Variants in SLC35F4 observed in about 807,000 individuals in gnomAD.
SLC35F4 encodes the protein solute carrier family 35 member F4.
A neutral mutation model predicts 44.2 loss-of-function variants in SLC35F4; 24 were observed. The observed-to-expected ratio is 0.54, with a 90% CI of 0.39 to 0.76. SLC35F4 has a LOEUF of 0.76. SLC35F4 is among the 30% of genes least tolerant of loss of function. SLC35F4 has a pLI of 0.00. For synonymous variants in SLC35F4, 238 were observed against 223.6 expected (o/e 1.06, Z -0.57); for missense variants, 562 against 586.1 (o/e 0.96, Z 0.42).
At chr14:57,624,296 A>G (rs1012501422) in intron 1 of SLC35F4, among the ~76,000 whole-genome samples, 5 of 152,216 alleles carry the variant, frequency 3.3e-5, no homozygotes, top group African/African-American at 1.2e-4. Context: ...TCTGAAATTG[A>G]AGCAGTAATT....
At chr14:57,746,654 C>T (rs887534005) in intron 1 of SLC35F4, among the ~76,000 whole-genome samples, 18 of 151,722 alleles carry the variant, frequency 1.2e-4, no homozygotes, top group African/African-American at 4.4e-4. Flanking sequence ...TAAAAAAGTG[C>T]AAAAAAATGA....
chr14:57,586,707 G>A (rs1342691701), intron 3 of SLC35F4, among the ~76,000 whole-genome samples: 1 of 67,662 alleles, frequency 1.5e-5, no homozygotes. Flanking sequence ...GACAGAGCGA[G>A]ACTCTGTCTC....
At chr14:57,844,612 C>T (rs1407922656) in intron 1 of SLC35F4, among the ~76,000 whole-genome samples, 5 of 151,828 alleles carry the variant, frequency 3.3e-5, no homozygotes, top group Non-Finnish European at 7.3e-5. Flanking sequence ...AGACAACTTG[C>T]TCTCTTTCTG....
chr14:57,581,676 G>T (rs75266502), intron 3 of SLC35F4, among the ~76,000 whole-genome samples: 2 of 152,226 alleles, frequency 1.3e-5, no homozygotes, highest in Non-Finnish European at 2.9e-5. Context: ...GTCTCTGGAG[G>T]TTGCCTGAAA....
At chr14:57,754,727 C>T (rs1223143300) in intron 1 of SLC35F4, among the ~76,000 whole-genome samples, 1 of 152,190 alleles carries the variant, frequency 6.6e-6, no homozygotes, top group African/African-American at 2.4e-5. Context: ...GCACAGGCCT[C>T]ACGGCCTCTG....
chr14:57,961,158 A>G (rs1473020989), intron 1 of SLC35F4, among the ~76,000 whole-genome samples: 1 of 152,136 alleles, frequency 6.6e-6, no homozygotes, highest in Non-Finnish European at 1.5e-5. Context: ...GCTGGACCCA[A>G]GGACTCATGG....
chr14:57,939,748 A>G (rs1437047347), intron 1 of SLC35F4, among the ~76,000 whole-genome samples: 1 of 152,234 alleles, frequency 6.6e-6, no homozygotes, highest in Non-Finnish European at 1.5e-5. Flanking sequence ...AGTTGGGTAG[A>G]AGGCCAGAAG....
chr14:57,788,862 CA>C (rs1403833799), intron 1 of SLC35F4, among the ~76,000 whole-genome samples: 3 of 152,140 alleles, frequency 2.0e-5, no homozygotes, highest in African/African-American at 7.2e-5. Flanking sequence ...GAAACTCACT[CA>C]AAACCGCACA....
Position 57,667,672 on chromosome 14 carries a change from G to C in SLC35F4, c.104-73548C>G, listed in dbSNP as rs1192015471. 2.6e-5 allele frequency among the ~76,000 whole-genome samples: 4 copies of C among 151,800 alleles called. No individual in the cohort carries two copies. In the South Asian group the frequency reaches 6.3e-4, roughly 24 times the overall value. On this transcript the variant is annotated intron_variant, in intron 1 of 7. Transcript: ENST00000556826. ...CTACAAAGGACATGAACTCATCCTT[G>C]TTTATGGCTGCAGAGTATTCCATGG...
rs1594861984 is a variant in SLC35F4 at position 57,564,025 on chromosome 14, T to C, written c.*110A>G. 2.5e-6 allele frequency: 3 copies of C among 1,209,368 alleles called. No individual in the cohort carries two copies. Among genetic ancestry groups the C allele is most frequent in the South Asian group, 1.6e-5 (1 of 62,502 alleles). The allele number at this position is 1,209,368 out of a possible 1,614,324, so 74.9% of individuals were successfully genotyped here. A position where few individuals can be genotyped will look rare whatever the true frequency, so the allele number is the denominator to read the frequency against. ...TTTATTGTTGGCATTATTTCACATA[T>C]GATTTATCCAAATTCAGAGTTAATA... On this transcript the variant is annotated 3_prime_UTR_variant, in exon 8 of 8. Coordinates refer to ENST00000556826, the MANE Select transcript of SLC35F4 (RefSeq NM_001306087.2).
chr14:57,901,437 A>G (rs1453532371), intron 1 of SLC35F4, among the ~76,000 whole-genome samples: 1 of 152,128 alleles, frequency 6.6e-6, no homozygotes, highest in South Asian at 2.1e-4. Flanking sequence ...ACCAAACACC[A>G]CATGTTCTCA....
At chr14:57,568,292 C>T (rs748684172) in intron 6 of SLC35F4, among the ~76,000 whole-genome samples, 26 of 152,280 alleles carry the variant, frequency 1.7e-4, no homozygotes, top group Non-Finnish European at 2.5e-4. Flanking sequence ...TGCTTAGGAG[C>T]GCGTATTGGA....
At chr14:57,662,754 G>A (rs534186823) in intron 1 of SLC35F4, among the ~76,000 whole-genome samples, 3 of 152,304 alleles carry the variant, frequency 2.0e-5, no homozygotes, top group African/African-American at 7.2e-5. Flanking sequence ...TTTGCAAGGT[G>A]TGCTGGATAT....
intron 1 of SLC35F4, among the ~76,000 whole-genome samples, chr14:57,755,325 C>G (rs1375217767): frequency 6.6e-6 from 1 of 152,134 alleles, no homozygotes. Context: ...TGGCACTCTG[C>G]CAGGACAAAT....
intron 1 of SLC35F4, among the ~76,000 whole-genome samples, chr14:57,803,819 A>G (rs1353849944): frequency 1.3e-5 from 2 of 151,846 alleles, no homozygotes; most frequent in Non-Finnish European, 2.9e-5. Flanking sequence ...CGAACTCCTG[A>G]CCTCAGGTGA....
At chr14:57,889,505 C>T (rs1258443542) in intron 1 of SLC35F4, among the ~76,000 whole-genome samples, 1 of 152,174 alleles carries the variant, frequency 6.6e-6, no homozygotes, top group Non-Finnish European at 1.5e-5. Flanking sequence ...CAAGGAGGCC[C>T]AGGGGCAGAA....
chr14:57,940,672 G>A (rs993306459), intron 1 of SLC35F4, among the ~76,000 whole-genome samples: 1 of 152,078 alleles, frequency 6.6e-6, no homozygotes, highest in Non-Finnish European at 1.5e-5. Flanking sequence ...TTACCTGTAC[G>A]CACAGCCCAC....
chr14:57,626,413 G>T (rs1314598471), intron 1 of SLC35F4, among the ~76,000 whole-genome samples: 1 of 151,622 alleles, frequency 6.6e-6, no homozygotes, highest in Non-Finnish European at 1.5e-5. Flanking sequence ...CATCAGCGAT[G>T]TCTTTTTTCT....
intron 2 of SLC35F4, 108 bp from the exon 3 acceptor site, chr14:57,589,621 G>C: frequency 8.7e-7 from 1 of 1,150,024 alleles, no homozygotes; most frequent in Non-Finnish European, 1.2e-6. Context: ...GCAGACAGTA[G>C]AATTACCAGT....
Sources: gnomAD v4.1 joint callset for allele counts (sites outside exome capture counted in the v4.1 genomes callset) on GRCh38, gnomAD v4.1.1 for gene constraint, MANE v1.5 for transcripts, NCBI Gene and HGNC (gene_info 2026-07-23, HGNC 2026-07-21) for gene names.